The following ASXL1 variants were observed in gnomAD, a reference collection of about 807,000 sequenced individuals.
The protein encoded by ASXL1 is polycomb group protein ASXL1.
In ASXL1, 65 loss-of-function variants were observed where a neutral mutation model predicts 89.1. The ratio of observed to expected loss-of-function variants is 0.73; its 90% CI spans 0.60 to 0.90. The LOEUF (loss-of-function observed/expected upper bound fraction) is 0.90. Ranked by LOEUF, ASXL1 falls within the 40% of genes least tolerant of loss-of-function variation. The pLI, the probability that ASXL1 is intolerant of heterozygous loss-of-function variation, is 0.00. For missense variants in ASXL1, 1,786 were observed against 1,942.9 expected, an observed-to-expected ratio of 0.92 and a Z score of 1.52; for synonymous variants, 739 against 746.9, an observed-to-expected ratio of 0.99 and a Z score of 0.17.
intron 4 of ASXL1, among the ~76,000 whole-genome samples, chr20:32,420,427 G>T (rs979242633): frequency 6.6e-6 from 1 of 151,812 alleles, no homozygotes. Flanking sequence ...GTAGTGTCTT[G>T]TATTTTTTAA....
intron 4 of ASXL1, among the ~76,000 whole-genome samples, chr20:32,371,452 AT>A (rs1190012648): frequency 6.6e-6 from 1 of 151,420 alleles, no homozygotes; most frequent in Non-Finnish European, 1.5e-5. Context: ...TGCCTGGCTA[AT>A]TTTTTGTATT....
chr20:32,374,693 A>G lies in ASXL1; in HGVS notation c.252+5570A>G, dbSNP rs368164445. 9.0e-4 allele frequency among the ~76,000 whole-genome samples: 137 copies of G among 152,202 alleles called. 3 individuals are homozygous for G. The South Asian group carries it at 0.027, about 30-fold the overall frequency. The stretch of plus-strand genomic sequence containing the variant: ...TTGTTATATGCCTCATCAACACCAC[A>G]CTTCTCCCAGAAGTTGTGCAGGCAT... On this transcript the variant is annotated intron_variant, in intron 4 of 12. Transcript: ENST00000375687.
chr20:32,419,938 C>T (rs2049210692), intron 4 of ASXL1, among the ~76,000 whole-genome samples: 2 of 152,124 alleles, frequency 1.3e-5, no homozygotes, highest in African/African-American at 4.8e-5. Context: ...CCTCGGCCTC[C>T]CGAAATGCTG....
At chr20:32,415,080 C>T (rs1390845763) in intron 4 of ASXL1, among the ~76,000 whole-genome samples, 4 of 152,118 alleles carry the variant, frequency 2.6e-5, no homozygotes, top group Non-Finnish European at 2.9e-5. Context: ...GCCATCTCAA[C>T]TCACTGCAAC....
At chr20:32,401,498 A>G (rs1374628730) in intron 4 of ASXL1, among the ~76,000 whole-genome samples, 1 of 150,818 alleles carries the variant, frequency 6.6e-6, no homozygotes, top group Non-Finnish European at 1.5e-5. Context: ...GATGCCTGAA[A>G]CCAGCTATAG....
intron 1 of ASXL1, chr20:32,359,132 C>T: frequency 1.6e-6 from 1 of 621,616 alleles, no homozygotes; most frequent in South Asian, 1.8e-5. Context: ...TCCCGCGTCC[C>T]CTCCCCCACT....
chr20:32,377,594 T>G (rs1166787360), intron 4 of ASXL1, among the ~76,000 whole-genome samples: 2 of 152,130 alleles, frequency 1.3e-5, no homozygotes, highest in Non-Finnish European at 2.9e-5. Context: ...GGGGCCCAAG[T>G]CTAAACACAG....
In ASXL1 at chr20:32,433,862, T is replaced by G. The variant is rs2123270269; in HGVS notation, c.1664T>G (p.Val555Gly). Residue 555 changes from valine to glycine, a missense_variant, in exon 12 of 13, where the codon GTT becomes GGT. Coordinates refer to ENST00000375687, the MANE Select transcript of ASXL1 (RefSeq NM_015338.6). ...TCCTTTCGTAACACAATTGAAAGTG[T>G]TCACACCGAAAAGCCACAGCCCACT... ...RQSFRNTIES[V>G]HTEKPQPTKE... The G allele has an allele frequency of 6.2e-7, 1 of 1,613,954 alleles. No individual in the cohort carries two copies. Among genetic ancestry groups the G allele is most frequent in the Non-Finnish European group, 8.5e-7 (1 of 1,180,050 alleles).
chr20:32,405,842 CTT>C (rs1375030163), intron 4 of ASXL1, among the ~76,000 whole-genome samples: 1 of 151,968 alleles, frequency 6.6e-6, no homozygotes, highest in Admixed American at 6.6e-5. Context: ...TTGATTATCT[CTT>C]TGATCACTTG....
intron 4 of ASXL1, among the ~76,000 whole-genome samples, chr20:32,380,050 G>A (rs766215932): frequency 7.4e-4 from 112 of 152,102 alleles, no homozygotes; most frequent in Non-Finnish European, 9.7e-4. Flanking sequence ...GGTAGGCTGA[G>A]GCGGGCAGAT....
chr20:32,404,915 T>C (rs750417635), intron 4 of ASXL1, among the ~76,000 whole-genome samples: 6 of 152,222 alleles, frequency 3.9e-5, no homozygotes, highest in Non-Finnish European at 8.8e-5. Flanking sequence ...TCACATCTTA[T>C]TGTTTTAGTT....
intron 4 of ASXL1, among the ~76,000 whole-genome samples, chr20:32,420,609 GTCT>G (rs1285387183): frequency 1.3e-5 from 2 of 152,084 alleles, no homozygotes; most frequent in African/African-American, 4.8e-5. Flanking sequence ...TATACAGCAA[GTCT>G]TCTTTGTACT....
intron 1 of ASXL1, chr20:32,359,133 C>T (rs2048065868): frequency 1.6e-6 from 1 of 624,824 alleles, no homozygotes; most frequent in Non-Finnish European, 2.9e-6. Flanking sequence ...CCCGCGTCCC[C>T]TCCCCCACTA....
At chr20:32,406,229 A>G (rs575620932) in intron 4 of ASXL1, among the ~76,000 whole-genome samples, 3 of 152,212 alleles carry the variant, frequency 2.0e-5, no homozygotes, top group Admixed American at 6.5e-5. Flanking sequence ...TTCCCTTTCC[A>G]TATGTATAAG....
At chr20:32,372,117 T>G (rs1457241553) in intron 4 of ASXL1, 1 of 1,343,004 alleles carries the variant, frequency 7.4e-7, no homozygotes, top group South Asian at 1.2e-5. Context: ...GCATAGTACG[T>G]GCTTTATGTG....
At chr20:32,387,564 T>G (rs1356775406) in intron 4 of ASXL1, among the ~76,000 whole-genome samples, 1 of 152,174 alleles carries the variant, frequency 6.6e-6, no homozygotes, top group Non-Finnish European at 1.5e-5. Flanking sequence ...GATGCACACT[T>G]TAAATAATCC....
chr20:32,422,035 A>ATTT (rs760163749), intron 4 of ASXL1, among the ~76,000 whole-genome samples: 4 of 135,154 alleles, frequency 3.0e-5, no homozygotes, highest in Admixed American at 1.5e-4. Flanking sequence ...CTCCTGGCTA[A>ATTT]TTTTTTTTTT....
In ASXL1 at chr20:32,436,215, G is replaced by C. The variant is rs587778062; in HGVS notation, c.3503G>C (p.Ser1168Thr). The C allele has an allele frequency of 1.7e-4, 273 of 1,614,252 alleles. 4 individuals carry two copies. In the South Asian group the frequency reaches 2.5e-3, roughly 15 times the overall value. ...NSGMVDGSSP[S>T]SLRALKEPLL... ...GGCATGGTTGATGGAAGCAGCCCCA[G>C]TTCTTTAAGGGCTTTGAAGGAGCCT... is the stretch of plus-strand genomic sequence containing the variant. The change falls in exon 13 of 13, where the codon AGT becomes ACT. Residue 1168 changes from serine to threonine, a missense_variant. Around this residue, in one of 3 missense-constraint regions of ASXL1, gnomAD observed 1,418 missense variants for 1,427.8 expected, o/e 0.99. Transcript: ENST00000375687.
In ASXL1 at chr20:32,434,670, G is replaced by A. The variant is rs1187663391; in HGVS notation, c.1958G>A (p.Gly653Glu). 2 of 1,602,494 alleles carry A rather than the reference G, an allele frequency of 1.2e-6. No individual in the cohort carries two copies. The highest frequency in any genetic ancestry group is 2.2e-5 in the South Asian group (2 of 90,304). The change falls in exon 13 of 13, where the codon GGG (glycine) becomes GAG (glutamate). Residue 653 changes from glycine (G) to glutamate (E), a missense_variant. Gly to Glu is a moderately conservative substitution (Grantham distance 98). Around this residue, in one of 3 missense-constraint regions of ASXL1, gnomAD observed 1,418 missense variants for 1,427.8 expected, o/e 0.99. Transcript: ENST00000375687. ...GGTGGCCCGGGTGGAGGTGGCGGCG[G>A]GGCCACCGATGAGGGAGGTGGCAGA... ...GGGGPGGGGG[G>E]ATDEGGGRGS...
Sources: allele counts gnomAD v4.1 joint callset (sites outside exome capture counted in the v4.1 genomes callset), GRCh38; gene constraint gnomAD v4.1.1; regional missense constraint gnomAD v4.1.1; transcripts MANE v1.5; gene names NCBI Gene and HGNC (gene_info 2026-07-23, HGNC 2026-07-21).